The following DYM variants were observed in gnomAD, a reference collection of about 807,000 sequenced individuals.
DYM encodes the protein dymeclin, also known as dyggve-Melchior-Clausen syndrome protein.
Under a neutral mutation model 93.1 loss-of-function variants are expected in DYM, and 78 were observed. That is an observed-to-expected ratio of 0.84 (90% confidence interval 0.70 to 1.01). The LOEUF (loss-of-function observed/expected upper bound fraction) is 1.01, where lower values mean the gene tolerates loss of function less well. Among genes scored for constraint, DYM ranks in the 50% least tolerant of loss-of-function variants. The probability of loss-of-function intolerance (pLI) is 0.00; values close to 1 mark genes in which losing one functional copy is unlikely to be tolerated. For synonymous variants in DYM, 321 were observed against 319.7 expected (o/e 1.00, Z -0.04); for missense variants, 789 against 845.0 (o/e 0.93, Z 0.82).
chr18:49,187,948 A>G lies in DYM; in HGVS notation c.1625+21603T>C, dbSNP rs936286945. On this transcript the variant is annotated intron_variant, in intron 14 of 17. Coordinates refer to ENST00000675505, the MANE Select transcript of DYM (RefSeq NM_001353214.3). The stretch of plus-strand genomic sequence containing the variant: ...TCAAACTTCCACACGTTATAAATCA[A>G]TAAGGCCACCTCATCCTCTGAAAAA... 3.9e-5 allele frequency among the ~76,000 whole-genome samples: 6 copies of G among 152,240 alleles called. 1 individual carries two copies. Among genetic ancestry groups the G allele is most frequent in the Non-Finnish European group, 8.8e-5 (6 of 68,028 alleles).
At chr18:49,140,534 G>A (rs1448226877) in intron 15 of DYM, among the ~76,000 whole-genome samples, 1 of 152,090 alleles carries the variant, frequency 6.6e-6, no homozygotes, top group African/African-American at 2.4e-5. Context: ...GGTTTATTAA[G>A]CATAACTTAA....
intron 17 of DYM, among the ~76,000 whole-genome samples, chr18:49,084,219 A>T (rs2078298302): frequency 6.6e-6 from 1 of 152,156 alleles, no homozygotes; most frequent in African/African-American, 2.4e-5. Flanking sequence ...AATTTTCCTT[A>T]TGACCTATTA....
At chr18:49,426,734 C>T (rs933339564) in intron 2 of DYM, among the ~76,000 whole-genome samples, 8 of 142,246 alleles carry the variant, frequency 5.6e-5, no homozygotes, top group Admixed American at 2.2e-4. Flanking sequence ...AAAACGACTG[C>T]TATTAGTCAC....
chr18:49,220,314 A>C (rs201098690), intron 13 of DYM, among the ~76,000 whole-genome samples: 1 of 148,210 alleles, frequency 6.7e-6, no homozygotes, highest in South Asian at 2.2e-4. Context: ...AATATCGTGA[A>C]AATGGCCATA....
In DYM at chr18:49,435,207, C is replaced by CA. The variant is rs150003482; in HGVS notation, c.-53-4761dup. Reference sequence around the variant, plus strand: ...TGGGGAACAGACCATGACTCCATCTCAAAAAAAAAAAAAAAAAAAAAGAAG... The same window carrying CA: ...TGGGGAACAGACCATGACTCCATCTCAAAAAAAAAAAAAAAAAAAAAAGAAG... On this transcript the variant is annotated intron_variant, in intron 1 of 17. Coordinates refer to ENST00000675505, the MANE Select transcript of DYM (RefSeq NM_001353214.3). Among the ~76,000 whole-genome samples the CA allele has an allele frequency of 3.1e-3, 271 of 88,586 alleles. 2 individuals are homozygous for CA. The highest frequency in any genetic ancestry group is 0.012 in the Middle Eastern group (2 of 162). 58.1% of individuals were successfully genotyped at this position (88,586 alleles called of 152,430 possible).
chr18:49,106,541 T>C lies in DYM; in HGVS notation c.1912-9026A>G, dbSNP rs563711855. Among the ~76,000 whole-genome samples, 220 of 152,350 alleles carry C rather than the reference T, an allele frequency of 1.4e-3. 1 individual carries two copies. Among genetic ancestry groups the C allele is most frequent in the African/African-American group, 4.9e-3 (204 of 41,584 alleles). On this transcript the variant is annotated intron_variant, in intron 16 of 17. Transcript: ENST00000675505. ...TTTGGCAAGTTTTTGCAGTGGCTGG[T>C]ACCGGTTGTTCCTTTCTATGTTTAG...
chr18:49,202,969 C>G (rs1351604601), intron 14 of DYM, among the ~76,000 whole-genome samples: 1 of 113,530 alleles, frequency 8.8e-6, no homozygotes, highest in African/African-American at 3.3e-5. Flanking sequence ...TCAGCCCCCC[C>G]GCCCGGCCAG....
chr18:49,089,011 T>A (rs1294507734), intron 17 of DYM, among the ~76,000 whole-genome samples: 1 of 152,124 alleles, frequency 6.6e-6, no homozygotes, highest in Non-Finnish European at 1.5e-5. Flanking sequence ...TTTTCCAGGC[T>A]GGTCTCAAAC....
At chr18:49,129,920 C>A (rs1005931501) in intron 15 of DYM, among the ~76,000 whole-genome samples, 1 of 152,162 alleles carries the variant, frequency 6.6e-6, no homozygotes, top group African/African-American at 2.4e-5. Context: ...GTAGGAAGCT[C>A]TCTCACCTCC....
rs386387632 is a variant in DYM, at chr18:49,289,727, GTATATATATATATATATATATATATA to G, written c.764-3137_764-3112del. Among the ~76,000 whole-genome samples the G allele has an allele frequency of 2.9e-3, 250 of 85,092 alleles. 1 individual carries two copies. Among genetic ancestry groups the G allele is most frequent in the African/African-American group, 0.011 (220 of 19,748 alleles). 55.8% of individuals were successfully genotyped at this position (85,092 alleles called of 152,430 possible). On this transcript the variant is annotated intron_variant, in intron 8 of 17. Coordinates refer to ENST00000675505, the MANE Select transcript of DYM (RefSeq NM_001353214.3). ...CCCTATCTCAAATATATATATATGT[GTATATATATATATATATATATATATA>G]TATATATATATATATATATACACAT... is the stretch of plus-strand genomic sequence containing the variant.
chr18:49,328,970 A>G (rs1428024816), intron 8 of DYM, among the ~76,000 whole-genome samples: 1 of 152,164 alleles, frequency 6.6e-6, no homozygotes, highest in African/African-American at 2.4e-5. Flanking sequence ...GCTACTATAA[A>G]GACACACACA....
intron 1 of DYM, among the ~76,000 whole-genome samples, chr18:49,450,028 TTA>T (rs1183579485): frequency 3.9e-5 from 6 of 152,274 alleles, no homozygotes; most frequent in African/African-American, 1.4e-4. Context: ...TAGTAAAAGA[TTA>T]TAAGAAAGCA....
At chr18:49,369,355 G>C (rs112594283) in intron 5 of DYM, among the ~76,000 whole-genome samples, 16 of 152,294 alleles carry the variant, frequency 1.1e-4, no homozygotes, top group African/African-American at 2.4e-4. Context: ...AAACTGGGAA[G>C]GGGGGTGGCC....
At chr18:49,406,270 A>G (rs1568389240) in intron 2 of DYM, among the ~76,000 whole-genome samples, 1 of 152,114 alleles carries the variant, frequency 6.6e-6, no homozygotes, top group Non-Finnish European at 1.5e-5. Flanking sequence ...TAAAATGGCT[A>G]TTACTTTGGA....
At chr18:49,364,353 G>A (rs76569112) in intron 5 of DYM, among the ~76,000 whole-genome samples, 13,885 of 152,048 alleles carry the variant, frequency 0.091, 859 homozygotes, top group East Asian at 0.31. Context: ...GCAGAGACAG[G>A]AGAATTGCTT....
chr18:49,393,425 A>G (rs2069641619), intron 2 of DYM, among the ~76,000 whole-genome samples: 1 of 152,216 alleles, frequency 6.6e-6, no homozygotes, highest in Admixed American at 6.5e-5. Context: ...CAACAGATAG[A>G]TGGATAAATG....
At chr18:49,215,673 G>A (rs1399670411) in intron 13 of DYM, among the ~76,000 whole-genome samples, 3 of 152,166 alleles carry the variant, frequency 2.0e-5, no homozygotes, top group Non-Finnish European at 4.4e-5. Context: ...AAAAACTAAA[G>A]TTGAACTAAA....
intron 14 of DYM, among the ~76,000 whole-genome samples, chr18:49,176,031 T>C (rs1259925791): frequency 6.6e-6 from 1 of 152,152 alleles, no homozygotes; most frequent in Non-Finnish European, 1.5e-5. Flanking sequence ...AAAAATTATA[T>C]GTAAACCCAA....
At chr18:49,263,242 C>A (rs938615848) in intron 11 of DYM, among the ~76,000 whole-genome samples, 1 of 151,776 alleles carries the variant, frequency 6.6e-6, no homozygotes, top group Non-Finnish European at 1.5e-5. Flanking sequence ...CCTCGGCCTC[C>A]TGAGTAGCTG....
Sources: gnomAD v4.1 joint callset for allele counts (sites outside exome capture counted in the v4.1 genomes callset) on GRCh38, gnomAD v4.1.1 for gene constraint, MANE v1.5 for transcripts, NCBI Gene and HGNC (gene_info 2026-07-23, HGNC 2026-07-21) for gene names.